The following ATP10A variants were observed in gnomAD, a reference collection of about 807,000 sequenced individuals.
ATP10A encodes the protein ATPase phospholipid transporting 10A (putative).
ATP10A carries 111 observed loss-of-function variants against 147.8 expected under a neutral mutation model. The ratio of observed to expected loss-of-function variants is 0.75; its 90% CI spans 0.64 to 0.88. The LOEUF (loss-of-function observed/expected upper bound fraction) is 0.88, where lower values mean the gene tolerates loss of function less well. Among genes scored for constraint, ATP10A ranks in the 40% least tolerant of loss-of-function variants. ATP10A has a pLI of 0.00. For synonymous variants in ATP10A, 875 were observed against 841.6 expected, an observed-to-expected ratio of 1.04 and a Z score of -0.69; for missense variants, 1,927 against 1,959.0, an observed-to-expected ratio of 0.98 and a Z score of 0.31.
At chr15:25,858,139 G>A (rs367806535) in intron 1 of ATP10A, among the ~76,000 whole-genome samples, 18 of 152,166 alleles carry the variant, frequency 1.2e-4, no homozygotes, top group African/African-American at 4.3e-4. Context: ...ATGGCAATGT[G>A]GAAATAATAT....
intron 1 of ATP10A, among the ~76,000 whole-genome samples, chr15:25,842,751 C>G (rs1056971165): frequency 6.6e-5 from 10 of 151,930 alleles, no homozygotes; most frequent in Non-Finnish European, 1.2e-4. Flanking sequence ...TAGAATTTCA[C>G]TCTGTCACTC....
intron 1 of ATP10A, among the ~76,000 whole-genome samples, chr15:25,845,463 T>G (rs1892980336): frequency 6.6e-6 from 1 of 152,058 alleles, no homozygotes; most frequent in African/African-American, 2.4e-5. Context: ...TGCCTCGAGC[T>G]CACAGTCATG....
chr15:25,851,312 C>T (rs1893286168), intron 1 of ATP10A, among the ~76,000 whole-genome samples: 1 of 151,932 alleles, frequency 6.6e-6, no homozygotes, highest in South Asian at 2.1e-4. Flanking sequence ...CCAAGGCTCT[C>T]CATTCGTGGC....
At chr15:25,843,226 A>G (rs953044835) in intron 1 of ATP10A, among the ~76,000 whole-genome samples, 6 of 23,448 alleles carry the variant, frequency 2.6e-4, no homozygotes, top group Non-Finnish European at 5.5e-4. Flanking sequence ...TCCACCCCCC[A>G]CCCCCCACCC....
intron 2 of ATP10A, among the ~76,000 whole-genome samples, chr15:25,739,277 T>C (rs1010310996): frequency 4.6e-5 from 7 of 152,196 alleles, no homozygotes; most frequent in African/African-American, 1.2e-4. Context: ...ATTTAAGTTT[T>C]AGTATTTTGA....
chr15:25,861,952 G>C (rs575722780), intron 1 of ATP10A: 2 of 270,756 alleles, frequency 7.4e-6, no homozygotes, highest in African/African-American at 4.6e-5. Context: ...GAGCAGGAGT[G>C]GTCCATCGCA....
intron 1 of ATP10A, among the ~76,000 whole-genome samples, chr15:25,818,070 A>G (rs1451088993): frequency 6.6e-6 from 1 of 151,044 alleles, no homozygotes; most frequent in Non-Finnish European, 1.5e-5. Flanking sequence ...ACTAGCTTTT[A>G]AAAAATTATT....
At chr15:25,826,123 A>T (rs1892102834) in intron 1 of ATP10A, among the ~76,000 whole-genome samples, 1 of 152,232 alleles carries the variant, frequency 6.6e-6, no homozygotes, top group African/African-American at 2.4e-5. Context: ...GAGATTGCTC[A>T]GTATGATAAA....
At chr15:25,830,246 C>T (rs1012752245) in intron 1 of ATP10A, among the ~76,000 whole-genome samples, 1 of 152,130 alleles carries the variant, frequency 6.6e-6, no homozygotes, top group African/African-American at 2.4e-5. Context: ...TCCCCACCTT[C>T]CCCTCATTCA....
At chr15:25,711,868 A>G (rs534202626) in intron 10 of ATP10A, among the ~76,000 whole-genome samples, 373 of 152,182 alleles carry the variant, frequency 2.5e-3, no homozygotes, top group Middle Eastern at 0.024. Flanking sequence ...TGTGAGTTTG[A>G]TTTTGAGTCG....
intron 1 of ATP10A, among the ~76,000 whole-genome samples, chr15:25,810,851 T>C (rs1891396783): frequency 6.6e-6 from 1 of 151,964 alleles, no homozygotes; most frequent in African/African-American, 2.4e-5. Context: ...CCAAGCACCA[T>C]CAACTACGTC....
At chr15:25,842,726 T>C (rs1287770577) in intron 1 of ATP10A, among the ~76,000 whole-genome samples, 2 of 146,712 alleles carry the variant, frequency 1.4e-5, no homozygotes, top group Non-Finnish European at 3.0e-5. Flanking sequence ...TCAAGCAGAC[T>C]TTTTTTTTTT....
At chr15:25,729,116 G>C (rs1357099195) in intron 3 of ATP10A, among the ~76,000 whole-genome samples, 1 of 152,238 alleles carries the variant, frequency 6.6e-6, no homozygotes, top group African/African-American at 2.4e-5. Context: ...AATTCAGCTG[G>C]TGAAGCCCTA....
At chr15:25,798,699 C>A (rs770419004) in intron 1 of ATP10A, among the ~76,000 whole-genome samples, 1 of 152,182 alleles carries the variant, frequency 6.6e-6, no homozygotes, top group Non-Finnish European at 1.5e-5. Flanking sequence ...TGAAACAGCG[C>A]CCAGGTCTCC....
intron 1 of ATP10A, among the ~76,000 whole-genome samples, chr15:25,813,985 C>A (rs1158837099): frequency 1.3e-5 from 2 of 151,920 alleles, no homozygotes; most frequent in Non-Finnish European, 2.9e-5. Flanking sequence ...AAATAATGAT[C>A]AAAATGTTTC....
At chr15:25,743,973 CAGGTTT>C (rs1234242110) in intron 2 of ATP10A, among the ~76,000 whole-genome samples, 1 of 152,142 alleles carries the variant, frequency 6.6e-6, no homozygotes, top group Middle Eastern at 3.2e-3. Flanking sequence ...AACATATCCA[CAGGTTT>C]AGGTGAGTAA....
intron 1 of ATP10A, among the ~76,000 whole-genome samples, chr15:25,809,572 A>G (rs1891340285): frequency 6.6e-6 from 1 of 152,214 alleles, no homozygotes; most frequent in Non-Finnish European, 1.5e-5. Context: ...TCAAAGTAAT[A>G]CATTATTCAA....
chr15:25,755,476 A>G (rs1427050235), intron 2 of ATP10A, among the ~76,000 whole-genome samples: 3 of 152,226 alleles, frequency 2.0e-5, no homozygotes, highest in Admixed American at 1.3e-4. Context: ...TTTCAGCTCC[A>G]TGGCAACCAA....
chr15:25,746,012 T>C (rs372830269), intron 2 of ATP10A, among the ~76,000 whole-genome samples: 2 of 152,106 alleles, frequency 1.3e-5, no homozygotes, highest in East Asian at 3.9e-4. Flanking sequence ...TGCTTCACAC[T>C]CAAATATACC....
Sources: allele counts gnomAD v4.1 joint callset (sites outside exome capture counted in the v4.1 genomes callset), GRCh38; gene constraint gnomAD v4.1.1; transcripts MANE v1.5; gene names NCBI Gene and HGNC (gene_info 2026-07-23, HGNC 2026-07-21).